LHFPL3: variants seen among roughly 807,000 people sequenced by gnomAD.
The protein encoded by LHFPL3 is LHFPL tetraspan subfamily member 3 protein.
LHFPL3 carries 5 observed loss-of-function variants against 19.3 expected under a neutral mutation model. The observed-to-expected ratio is 0.26, with a 90% CI of 0.14 to 0.54. The LOEUF is 0.54. Among genes scored for constraint, LHFPL3 ranks in the 20% least tolerant of loss-of-function variants. The probability of loss-of-function intolerance (pLI) is 0.94; values close to 1 mark genes in which losing one functional copy is unlikely to be tolerated. For missense variants in LHFPL3, 249 were observed against 307.4 expected, an observed-to-expected ratio of 0.81 and a Z score of 1.42; for synonymous variants, 133 against 126.2, an observed-to-expected ratio of 1.05 and a Z score of -0.36.
At chr7:104,682,047 C>G (rs1792714326) in intron 1 of LHFPL3, among the ~76,000 whole-genome samples, 1 of 152,120 alleles carries the variant, frequency 6.6e-6, no homozygotes, top group Non-Finnish European at 1.5e-5. Context: ...CAAATTAATA[C>G]TTACAAAAAA....
At chr7:104,526,499 G>A (rs1244137235) in intron 1 of LHFPL3, among the ~76,000 whole-genome samples, 2 of 152,206 alleles carry the variant, frequency 1.3e-5, no homozygotes, top group African/African-American at 2.4e-5. Flanking sequence ...CTTATGCCTT[G>A]TCTATGTAAG....
intron 2 of LHFPL3, among the ~76,000 whole-genome samples, chr7:104,772,950 G>A (rs1033846925): frequency 2.6e-5 from 4 of 152,230 alleles, no homozygotes; most frequent in Non-Finnish European, 5.9e-5. Context: ...TCAGCTTGCT[G>A]CAAGAGATGT....
intron 2 of LHFPL3, among the ~76,000 whole-genome samples, chr7:104,822,258 T>C (rs1790689643): frequency 6.6e-6 from 1 of 152,246 alleles, no homozygotes; most frequent in Admixed American, 6.5e-5. Flanking sequence ...TAGTGAGTCA[T>C]GGTATTTTGT....
intron 1 of LHFPL3, among the ~76,000 whole-genome samples, chr7:104,559,492 G>T: frequency 6.7e-6 from 1 of 149,310 alleles, no homozygotes; most frequent in African/African-American, 2.5e-5. Context: ...GTCTGTTGTT[G>T]GTGTATAAGA....
chr7:104,793,488 A>T (rs1322847084), intron 2 of LHFPL3, among the ~76,000 whole-genome samples: 1 of 152,234 alleles, frequency 6.6e-6, no homozygotes, highest in African/African-American at 2.4e-5. Context: ...CAGTGGTAAA[A>T]AAGCAATATT....
intron 1 of LHFPL3, among the ~76,000 whole-genome samples, chr7:104,646,294 C>A (rs1367827608): frequency 6.6e-6 from 1 of 152,192 alleles, no homozygotes; most frequent in Non-Finnish European, 1.5e-5. Context: ...TGTTCACTTC[C>A]ACTTGAGTCA....
intron 2 of LHFPL3, among the ~76,000 whole-genome samples, chr7:104,835,691 T>G (rs1430560894): frequency 6.6e-6 from 1 of 151,928 alleles, no homozygotes; most frequent in African/African-American, 2.4e-5. Flanking sequence ...AAATTCTTCA[T>G]ATTGAAAATG....
intron 2 of LHFPL3, among the ~76,000 whole-genome samples, chr7:104,831,259 G>A (rs2116558567): frequency 6.6e-6 from 1 of 151,954 alleles, no homozygotes; most frequent in Middle Eastern, 3.4e-3. Flanking sequence ...ATATGATACT[G>A]AAATTAACCA....
At chr7:104,488,823 T>C (rs1452962082) in intron 1 of LHFPL3, among the ~76,000 whole-genome samples, 1 of 152,232 alleles carries the variant, frequency 6.6e-6, no homozygotes, top group Non-Finnish European at 1.5e-5. Context: ...AGGCAAAGTC[T>C]GTTGGCACTA....
intron 1 of LHFPL3, among the ~76,000 whole-genome samples, chr7:104,402,499 C>T (rs1482667358): frequency 6.6e-6 from 1 of 152,160 alleles, no homozygotes. Flanking sequence ...TCTAGAATAG[C>T]CATGTTCTAT....
chr7:104,436,144 G>A (rs1376423649), intron 1 of LHFPL3, among the ~76,000 whole-genome samples: 5 of 152,042 alleles, frequency 3.3e-5, no homozygotes, highest in African/African-American at 1.2e-4. Context: ...CATGTTGAAA[G>A]GATAATATTT....
intron 1 of LHFPL3, among the ~76,000 whole-genome samples, chr7:104,437,824 A>G (rs1422323516): frequency 6.6e-6 from 1 of 152,134 alleles, no homozygotes; most frequent in Non-Finnish European, 1.5e-5. Flanking sequence ...AAGCTCTTCA[A>G]ACTCCACCAT....
At chr7:104,360,225 G>T (rs753347779) in intron 1 of LHFPL3, among the ~76,000 whole-genome samples, 1 of 152,328 alleles carries the variant, frequency 6.6e-6, no homozygotes, top group African/African-American at 2.4e-5. Flanking sequence ...CACTTGAAGA[G>T]CTCCTCTTCT....
chr7:104,772,827 A>G (rs979359467), intron 2 of LHFPL3, among the ~76,000 whole-genome samples: 2 of 152,240 alleles, frequency 1.3e-5, no homozygotes, highest in Non-Finnish European at 1.5e-5. Flanking sequence ...TCAGGCTTCA[A>G]TCCTTCAATC....
intron 1 of LHFPL3, among the ~76,000 whole-genome samples, chr7:104,691,499 CA>C (rs1359276401): frequency 6.6e-6 from 1 of 152,216 alleles, no homozygotes; most frequent in East Asian, 1.9e-4. Context: ...AGGACAGTGG[CA>C]AAGGGAAATC....
intron 1 of LHFPL3, among the ~76,000 whole-genome samples, chr7:104,690,718 G>A (rs1792890807): frequency 1.3e-5 from 2 of 152,194 alleles, no homozygotes; most frequent in Non-Finnish European, 1.5e-5. Flanking sequence ...CAAGAAAGAG[G>A]CATAATGCCT....
intron 2 of LHFPL3, among the ~76,000 whole-genome samples, chr7:104,838,747 A>G (rs964243515): frequency 3.9e-5 from 6 of 152,246 alleles, no homozygotes; most frequent in Non-Finnish European, 8.8e-5. Context: ...GTCTAGTGAA[A>G]TTGAGGAACT....
chr7:104,620,969 C>T (rs539913814), intron 1 of LHFPL3, among the ~76,000 whole-genome samples: 17 of 152,304 alleles, frequency 1.1e-4, no homozygotes, highest in African/African-American at 4.1e-4. Flanking sequence ...AAATCTCTAC[C>T]CTCTCTAGGA....
At chr7:104,461,023 A>AG (rs1386744743) in intron 1 of LHFPL3, among the ~76,000 whole-genome samples, 11 of 152,222 alleles carry the variant, frequency 7.2e-5, no homozygotes, top group African/African-American at 2.2e-4. Context: ...ACTGCTAATA[A>AG]AGACCTACCA....
Sources: gnomAD v4.1 joint callset for allele counts (sites outside exome capture counted in the v4.1 genomes callset) on GRCh38, gnomAD v4.1.1 for gene constraint, MANE v1.5 for transcripts, NCBI Gene and HGNC (gene_info 2026-07-23, HGNC 2026-07-21) for gene names.